The following PEPD variants were observed in gnomAD, a reference collection of about 807,000 sequenced individuals.
PEPD encodes peptidase D.
In PEPD, 53 loss-of-function variants were observed where a neutral mutation model predicts 60.7. The ratio of observed to expected loss-of-function variants is 0.87; its 90% CI spans 0.70 to 1.10. The LOEUF (loss-of-function observed/expected upper bound fraction) is 1.10, where lower values mean the gene tolerates loss of function less well. Ranked by LOEUF, PEPD falls within the 50% of genes least tolerant of loss-of-function variation. PEPD has a pLI of 0.00. For synonymous variants in PEPD, 267 were observed against 284.1 expected, an observed-to-expected ratio of 0.94 and a Z score of 0.60; for missense variants, 711 against 711.9, an observed-to-expected ratio of 1.00 and a Z score of 0.01.
rs747868803 is a variant in PEPD at position 33,413,661 on chromosome 19, C to T, written c.672-18G>A. The T allele has an allele frequency of 1.8e-5, 28 of 1,543,668 alleles. No individual in the cohort carries two copies. The highest frequency in any genetic ancestry group is 3.7e-5 in the Admixed American group (2 of 54,426). The stretch of plus-strand genomic sequence containing the variant: ...CGAAGAGGCTGCAGGGGGAGAGACG[C>T]GTCAGGGTTGGGGCACTAGAGCAGG... On this transcript the variant is annotated intron_variant, in intron 9 of 14. Coordinates refer to ENST00000244137, the MANE Select transcript of PEPD (RefSeq NM_000285.4).
chr19:33,408,027 G>C (rs991516018), intron 11 of PEPD, among the ~76,000 whole-genome samples: 10 of 152,238 alleles, frequency 6.6e-5, no homozygotes, highest in African/African-American at 9.6e-5. Flanking sequence ...CAGGGTGTCT[G>C]GTTCATAGGC....
chr19:33,405,070 GATA>G (rs1968589529), intron 11 of PEPD, among the ~76,000 whole-genome samples: 1 of 152,232 alleles, frequency 6.6e-6, no homozygotes, highest in Non-Finnish European at 1.5e-5. Context: ...GTGAGTCGAT[GATA>G]ATACAAGACA....
chr19:33,391,215 T>G, intron 13 of PEPD, 80 bp downstream of exon 13: 1 of 1,178,506 alleles, frequency 8.5e-7, no homozygotes, highest in South Asian at 1.3e-5. Context: ...TGCTGCCTCC[T>G]AGAGTCCCAC....
At chr19:33,515,474 C>A (rs3786922) in intron 1 of PEPD, among the ~76,000 whole-genome samples, 1 of 151,946 alleles carries the variant, frequency 6.6e-6, no homozygotes, top group Non-Finnish European at 1.5e-5. Context: ...GGTGAGAGTT[C>A]GTAAACATGA....
intron 9 of PEPD, among the ~76,000 whole-genome samples, chr19:33,417,372 A>C (rs1213143049): frequency 6.6e-6 from 1 of 152,140 alleles, no homozygotes; most frequent in East Asian, 1.9e-4. Context: ...GAAAGCAGGT[A>C]GTTGGGACAT....
chr19:33,505,125 G>T (rs1414285390), intron 3 of PEPD, among the ~76,000 whole-genome samples: 2 of 152,210 alleles, frequency 1.3e-5, no homozygotes, highest in East Asian at 3.9e-4. Context: ...AGGTCTTGCT[G>T]GCTGGCTGAC....
At chr19:33,449,325 G>A (rs138882027) in intron 9 of PEPD, among the ~76,000 whole-genome samples, 75 of 152,312 alleles carry the variant, frequency 4.9e-4, no homozygotes, top group African/African-American at 1.7e-3. Context: ...GCAGAGCCCC[G>A]CATGGTGGGG....
At chr19:33,467,207 C>T (rs1970036913) in intron 7 of PEPD, among the ~76,000 whole-genome samples, 1 of 151,568 alleles carries the variant, frequency 6.6e-6, no homozygotes, top group Admixed American at 6.6e-5. Context: ...AGTTTATGTG[C>T]TCTTGATGCT....
chr19:33,482,960 A>G (rs1478870983), intron 6 of PEPD, among the ~76,000 whole-genome samples: 1 of 152,228 alleles, frequency 6.6e-6, no homozygotes, highest in Non-Finnish European at 1.5e-5. Context: ...ACTGCAGAAT[A>G]CATGCTTTCT....
At chr19:33,466,597 C>A (rs1008769909) in intron 7 of PEPD, among the ~76,000 whole-genome samples, 2 of 152,128 alleles carry the variant, frequency 1.3e-5, no homozygotes, top group South Asian at 4.2e-4. Flanking sequence ...ACTGGTCCAG[C>A]CTTTCAGTAT....
chr19:33,494,394 C>T (rs1448867810), intron 4 of PEPD, among the ~76,000 whole-genome samples: 1 of 152,192 alleles, frequency 6.6e-6, no homozygotes, highest in Non-Finnish European at 1.5e-5. Context: ...TAAGTTTTGA[C>T]ATATGTATAC....
At chr19:33,435,792 C>T (rs182436425) in intron 9 of PEPD, among the ~76,000 whole-genome samples, 2,134 of 152,342 alleles carry the variant, frequency 0.014, 28 homozygotes, top group South Asian at 0.071. Context: ...GCCCAACCCA[C>T]GCTCCCATGG....
chr19:33,485,824 T>G (rs772358594), intron 6 of PEPD, among the ~76,000 whole-genome samples: 1 of 152,094 alleles, frequency 6.6e-6, no homozygotes, highest in Non-Finnish European at 1.5e-5. Flanking sequence ...TTTCTTACAC[T>G]GATGTAAGAA....
At chr19:33,437,440 C>T (rs968597316) in intron 9 of PEPD, among the ~76,000 whole-genome samples, 29 of 151,356 alleles carry the variant, frequency 1.9e-4, no homozygotes, top group African/African-American at 6.6e-4. Context: ...GATTTTGTGT[C>T]GGCAGACAGG....
chr19:33,490,440 A>G (rs1023295690), intron 5 of PEPD, among the ~76,000 whole-genome samples: 1 of 151,648 alleles, frequency 6.6e-6, no homozygotes, highest in African/African-American at 2.4e-5. Context: ...TCCTGCACAC[A>G]CTCCCCACTA....
chr19:33,410,624 G>T lies in PEPD; in HGVS notation c.818+1048C>A, dbSNP rs370705759. Among the ~76,000 whole-genome samples the T allele has an allele frequency of 5.0e-4, 76 of 152,316 alleles. 1 individual carries two copies. In the South Asian group the frequency reaches 0.015, roughly 30 times the overall value. ...GGTGGCTCCTCGATGGGAAGGCGGA[G>T]GCAGCCCAGCTGGGCGCCACGCAGG... On this transcript the variant is annotated intron_variant, in intron 11 of 14. Coordinates refer to ENST00000244137, the MANE Select transcript of PEPD (RefSeq NM_000285.4).
chr19:33,411,508 A>C (rs964347582), intron 11 of PEPD, among the ~76,000 whole-genome samples, 164 bp downstream of exon 11: 9 of 152,166 alleles, frequency 5.9e-5, no homozygotes, highest in African/African-American at 1.7e-4. Context: ...GGCACCACGC[A>C]GGCCGATAGC....
At chr19:33,414,857 C>T (rs1375955304) in intron 9 of PEPD, among the ~76,000 whole-genome samples, 2 of 152,198 alleles carry the variant, frequency 1.3e-5, no homozygotes, top group Non-Finnish European at 2.9e-5. Flanking sequence ...TGAAATATTT[C>T]CTGAAAAGAA....
intron 5 of PEPD, among the ~76,000 whole-genome samples, chr19:33,492,324 T>C (rs1970517917): frequency 6.6e-6 from 1 of 152,100 alleles, no homozygotes; most frequent in South Asian, 2.1e-4. Flanking sequence ...CCCGGTGGTG[T>C]GGTTTTCAGA....
Sources: gnomAD v4.1 joint callset for allele counts (sites outside exome capture counted in the v4.1 genomes callset) on GRCh38, gnomAD v4.1.1 for gene constraint, MANE v1.5 for transcripts, NCBI Gene and HGNC (gene_info 2026-07-23, HGNC 2026-07-21) for gene names.